Variants in MIA3 observed in about 807,000 individuals in gnomAD.
MIA3 encodes transport and Golgi organization protein 1 homolog.
In MIA3, 90 loss-of-function variants were observed where a neutral mutation model predicts 192.4. The ratio of observed to expected loss-of-function variants is 0.47; its 90% CI spans 0.39 to 0.56. The LOEUF is 0.56. Among genes scored for constraint, MIA3 ranks in the 20% least tolerant of loss-of-function variants. The probability of loss-of-function intolerance (pLI) is 0.00; values close to 1 mark genes in which losing one functional copy is unlikely to be tolerated. For missense variants in MIA3, 2,123 were observed against 2,269.4 expected, an observed-to-expected ratio of 0.94 and a Z score of 1.31; for synonymous variants, 740 against 792.8, an observed-to-expected ratio of 0.93 and a Z score of 1.12.
rs1664273246 is a variant in MIA3 at position 222,666,132 on chromosome 1, T to G, written c.*513T>G. ...CTTTGTAGTAATAGCTCATAAAAAT[T>G]TGTTTATTAATATTTCCCAAGTGTC... On this transcript the variant is annotated 3_prime_UTR_variant, in exon 28 of 28. Coordinates refer to ENST00000344922, the MANE Select transcript of MIA3 (RefSeq NM_198551.4). 1.3e-5 allele frequency: 2 copies of G among 152,220 alleles called. No homozygotes were observed. The highest frequency in any genetic ancestry group is 6.5e-5 in the Admixed American group (1 of 15,278). 9.4% of individuals were successfully genotyped at this position (152,220 alleles called of 1,614,324 possible).
intron 14 of MIA3, 33 bp downstream of exon 14, chr1:222,653,163 T>C (rs1367640795): frequency 1.3e-6 from 2 of 1,595,908 alleles, no homozygotes; most frequent in Non-Finnish European, 8.6e-7. Flanking sequence ...GCTTAATTCT[T>C]GTGAATTATC....
chr1:222,666,799 A>ATACTT lies in MIA3; in HGVS notation c.*1181_*1185dup, dbSNP rs1664311951. 6.6e-6 allele frequency: 1 copy of ATACTT among 152,166 alleles called. No homozygotes were observed. Among genetic ancestry groups the ATACTT allele is most frequent in the South Asian group, 2.1e-4 (1 of 4,832 alleles). The allele number at this position is 152,166 out of a possible 1,614,324, so 9.4% of individuals were successfully genotyped here. On this transcript the variant is annotated 3_prime_UTR_variant, in exon 28 of 28. Transcript: ENST00000344922. ...GTAACTAACCATCTGGAATTGCACC[A>ATACTT]TACTTAAAGTCTTATCCATTACTAC...
At chr1:222,648,924 G>A in intron 8 of MIA3, 74 bp downstream of exon 8, 2 of 947,430 alleles carry the variant, frequency 2.1e-6, no homozygotes, top group Non-Finnish European at 3.2e-6. Flanking sequence ...TTATATATAA[G>A]TAGTTTTAGT....
chr1:222,659,841 T>C (rs1663919175), intron 22 of MIA3, 40 bp downstream of exon 22: 2 of 1,608,396 alleles, frequency 1.2e-6, no homozygotes, highest in Admixed American at 1.7e-5. Context: ...GCGCGTGTTC[T>C]CTTAAGGAAT....
intron 2 of MIA3, among the ~76,000 whole-genome samples, chr1:222,622,772 A>G (rs1021785957): frequency 1.3e-5 from 2 of 152,184 alleles, no homozygotes; most frequent in Non-Finnish European, 2.9e-5. Context: ...ATTTGGATGA[A>G]TGAACTTGAC....
chr1:222,652,459 GT>G, intron 13 of MIA3, 127 bp downstream of exon 13: 1 of 660,288 alleles, frequency 1.5e-6, no homozygotes, highest in Non-Finnish European at 2.7e-6. Flanking sequence ...GATATGCAAA[GT>G]TTAAACTATG....
chr1:222,660,081 G>A, intron 23 of MIA3, 75 bp downstream of exon 23: 8 of 1,582,542 alleles, frequency 5.1e-6, no homozygotes, highest in Non-Finnish European at 6.9e-6. Context: ...TTTTGTTTCT[G>A]TGTGTAATGG....
At chr1:222,625,800 G>A (rs536921661) in intron 3 of MIA3, among the ~76,000 whole-genome samples, 5 of 152,120 alleles carry the variant, frequency 3.3e-5, no homozygotes, top group East Asian at 3.9e-4. Flanking sequence ...GCAGTGGTGC[G>A]ATACCAGCTC....
chr1:222,652,707 G>C (rs1033096313), intron 13 of MIA3, among the ~76,000 whole-genome samples: 2 of 152,244 alleles, frequency 1.3e-5, no homozygotes, highest in Non-Finnish European at 2.9e-5. Context: ...ATGATCAGGA[G>C]TGTGGACTTG....
chr1:222,649,641 A>T (rs1663319226), intron 8 of MIA3: 1 of 152,414 alleles, frequency 6.6e-6, no homozygotes, highest in Non-Finnish European at 1.5e-5. Context: ...GGTGGCACAC[A>T]CCTGTAGTCC....
Position 222,629,311 on chromosome 1 carries a change from G to A in MIA3, c.2091G>A (p.Met697Ile). ...LDEEFFHHKA[M>I]QGTEVGQTDQ... is the part of the protein sequence containing the mutation. ...AAGAGTTTTTTCATCACAAGGCAAT[G>A]CAGGGCACAGAGGTAGGACAGACAG... Residue 697 changes from methionine (M) to isoleucine (I), a missense_variant, in exon 4 of 28, where the codon ATG becomes ATA. Met to Ile is a conservative substitution (Grantham distance 10, BLOSUM62 1). This residue lies in a region of MIA3 where 1,357 missense variants were observed against 1,396.1 expected (regional missense o/e 0.97). Transcript: ENST00000344922. 1.2e-6 allele frequency: 2 copies of A among 1,614,196 alleles called. No homozygotes were observed. The highest frequency in any genetic ancestry group is 1.7e-6 in the Non-Finnish European group (2 of 1,180,028).
rs1224955729 is a variant in MIA3 at position 222,656,596 on chromosome 1, CTGCTTTTTCTTT to C, written c.4607+1807_4607+1818del. 2.6e-5 allele frequency among the ~76,000 whole-genome samples: 4 copies of C among 152,178 alleles called. No individual in the cohort carries two copies. The East Asian group carries it at 7.7e-4, about 29-fold the overall frequency. ...GTCATCACCCTTCCACCCTACCCTCCTGCTTTTTCTTTTGCATTTATACTGCTTGAGGTTATA... is the reference window on the plus strand; with the variant it reads ...GTCATCACCCTTCCACCCTACCCTCCTGCATTTATACTGCTTGAGGTTATA... On this transcript the variant is annotated intron_variant, in intron 18 of 27. Coordinates refer to ENST00000344922, the MANE Select transcript of MIA3 (RefSeq NM_198551.4).
chr1:222,648,525 T>C (rs1039848957), intron 7 of MIA3, among the ~76,000 whole-genome samples: 1 of 152,222 alleles, frequency 6.6e-6, no homozygotes, highest in Non-Finnish European at 1.5e-5. Context: ...CCATTTCTGT[T>C]ATTCAAGTTA....
intron 6 of MIA3, chr1:222,644,426 C>A: frequency 6.5e-7 from 1 of 1,548,918 alleles, no homozygotes. Flanking sequence ...AACAGGGGGC[C>A]CAGTGCCATT....
At chr1:222,643,066 C>T (rs1295707005) in intron 6 of MIA3, among the ~76,000 whole-genome samples, 2 of 152,038 alleles carry the variant, frequency 1.3e-5, no homozygotes, top group South Asian at 2.1e-4. Context: ...ATCAAATTTA[C>T]GAATATTTTC....
At position 222,632,160 on chromosome 1, in the gene MIA3, C is replaced by G. The variant is rs1662425096; in HGVS notation, c.3170-5C>G. Reference sequence around the variant, plus strand: ...TGCTAGCCCAGTGTATTCTTCTCACCCTAGAGATGCAACCACTGCATGAAG... The same window carrying G: ...TGCTAGCCCAGTGTATTCTTCTCACGCTAGAGATGCAACCACTGCATGAAG... On this transcript the variant is annotated splice_polypyrimidine_tract_variant and splice_region_variant and intron_variant, in intron 4 of 27. Coordinates refer to ENST00000344922, the MANE Select transcript of MIA3 (RefSeq NM_198551.4). 6.2e-7 allele frequency: 1 copy of G among 1,613,338 alleles called. No homozygotes were observed. The highest frequency in any genetic ancestry group is 1.1e-5 in the South Asian group (1 of 90,996).
At position 222,662,352 on chromosome 1, in the gene MIA3, A is replaced by G. The variant is rs371456088; in HGVS notation, c.5262+20A>G. ...GGCAAGGTAAATGCACCCATTTTGA[A>G]TAATTAGTTATTTCAGGAACATTTA... On this transcript the variant is annotated intron_variant, in intron 26 of 27. Coordinates refer to ENST00000344922, the MANE Select transcript of MIA3 (RefSeq NM_198551.4). 2.5e-6 allele frequency: 4 copies of G among 1,607,010 alleles called. No individual in the cohort carries two copies. In the African/African-American group the frequency reaches 5.3e-5, roughly 21 times the overall value.
intron 5 of MIA3, 26 bp downstream of exon 5, chr1:222,632,352 A>T: frequency 6.3e-7 from 1 of 1,597,432 alleles, no homozygotes; most frequent in South Asian, 1.1e-5. Flanking sequence ...TTTTTTCTAC[A>T]AAGTGGAGAA....
chr1:222,652,405 C>G, intron 13 of MIA3, 73 bp downstream of exon 13: 1 of 969,274 alleles, frequency 1.0e-6, no homozygotes, highest in South Asian at 1.3e-5. Flanking sequence ...TGCCTTTACT[C>G]AGATCTATTT....
Sources: allele counts gnomAD v4.1 joint callset (sites outside exome capture counted in the v4.1 genomes callset), GRCh38; gene constraint gnomAD v4.1.1; regional missense constraint gnomAD v4.1.1; transcripts MANE v1.5; gene names NCBI Gene and HGNC (gene_info 2026-07-23, HGNC 2026-07-21).